Variants in MTUS2 observed in about 807,000 individuals in gnomAD.
MTUS2 encodes microtubule associated scaffold protein 2.
Under a neutral mutation model 114.1 loss-of-function variants are expected in MTUS2, and 40 were observed. The ratio of observed to expected loss-of-function variants is 0.35; its 90% CI spans 0.27 to 0.46. MTUS2 has a LOEUF of 0.46. Among genes scored for constraint, MTUS2 ranks in the 20% least tolerant of loss-of-function variants. The pLI is 1.00. For synonymous variants in MTUS2, 688 were observed against 672.0 expected, an observed-to-expected ratio of 1.02 and a Z score of -0.37; for missense variants, 1,679 against 1,705.4, an observed-to-expected ratio of 0.98 and a Z score of 0.27.
At chr13:29,091,434 T>C (rs1889943608) in intron 4 of MTUS2, among the ~76,000 whole-genome samples, 1 of 152,204 alleles carries the variant, frequency 6.6e-6, no homozygotes, top group Admixed American at 6.5e-5. Flanking sequence ...TTTAAGGTCC[T>C]GTGGAGTTGT....
At chr13:29,350,854 G>C (rs1297942543) in intron 7 of MTUS2, among the ~76,000 whole-genome samples, 2 of 151,318 alleles carry the variant, frequency 1.3e-5, no homozygotes, top group Non-Finnish European at 2.9e-5. Context: ...CTTCTTATAA[G>C]AGCACTAATC....
At chr13:29,421,304 C>T (rs1005592213) in intron 8 of MTUS2, among the ~76,000 whole-genome samples, 5 of 152,176 alleles carry the variant, frequency 3.3e-5, no homozygotes, top group Admixed American at 2.6e-4. Context: ...AGATCCTGCT[C>T]ATATTTTAGA....
At chr13:29,015,143 T>C (rs913854066) in intron 2 of MTUS2, among the ~76,000 whole-genome samples, 17 of 152,186 alleles carry the variant, frequency 1.1e-4, no homozygotes, top group African/African-American at 3.9e-4. Context: ...TGTTTGGAGA[T>C]GATAGAACTA....
intron 4 of MTUS2, among the ~76,000 whole-genome samples, chr13:29,050,487 A>G (rs1489689549): frequency 1.3e-5 from 2 of 152,046 alleles, no homozygotes; most frequent in Non-Finnish European, 2.9e-5. Context: ...CCTATCCTGT[A>G]TATTTTCTGG....
intron 2 of MTUS2, among the ~76,000 whole-genome samples, chr13:28,841,387 G>A (rs1009782751): frequency 5.9e-5 from 9 of 152,186 alleles, no homozygotes; most frequent in African/African-American, 2.2e-4. Context: ...AGTCATGGTA[G>A]TTGGAGGCAT....
At chr13:28,917,162 G>C (rs1880790544) in intron 2 of MTUS2, among the ~76,000 whole-genome samples, 1 of 151,876 alleles carries the variant, frequency 6.6e-6, no homozygotes, top group South Asian at 2.1e-4. Context: ...AATTTGGTTT[G>C]CTAGTATTTT....
At position 29,409,560 on chromosome 13, in the gene MTUS2, A is replaced by T. The variant is rs554425499; in HGVS notation, c.3118-30423A>T. ...TAATGATTAGTTTGATGAGTATGTG[A>T]CACATTGGTTCTCCTATTGTTTCTG... On this transcript the variant is annotated intron_variant, in intron 8 of 15. Transcript: ENST00000612955. 2.0e-5 allele frequency among the ~76,000 whole-genome samples: 3 copies of T among 152,248 alleles called. No individual in the cohort carries two copies. The South Asian group carries it at 6.2e-4, about 32-fold the overall frequency.
intron 2 of MTUS2, among the ~76,000 whole-genome samples, chr13:29,017,422 A>G (rs1886111890): frequency 6.6e-6 from 1 of 152,216 alleles, no homozygotes; most frequent in Admixed American, 6.5e-5. Flanking sequence ...CACAACTGAT[A>G]AAGCATTACA....
chr13:29,349,162 T>C (rs1331481306), intron 7 of MTUS2, among the ~76,000 whole-genome samples: 1 of 152,148 alleles, frequency 6.6e-6, no homozygotes, highest in African/African-American at 2.4e-5. Flanking sequence ...ATTTATCTCC[T>C]TTGTTCATGT....
intron 6 of MTUS2, among the ~76,000 whole-genome samples, chr13:29,320,959 C>T (rs565755620): frequency 4.9e-4 from 75 of 152,204 alleles, no homozygotes; most frequent in African/African-American, 1.7e-3. Flanking sequence ...ACTGGGAGGA[C>T]AATTGACTAG....
intron 8 of MTUS2, among the ~76,000 whole-genome samples, chr13:29,423,568 TGG>T (rs369514901): frequency 7.7e-4 from 117 of 152,320 alleles, no homozygotes; most frequent in Admixed American, 6.0e-3. Flanking sequence ...ATTAGTGCAA[TGG>T]ACTAAAACAT....
At chr13:28,827,451 C>G (rs193166544) in intron 1 of MTUS2, among the ~76,000 whole-genome samples, 2 of 152,066 alleles carry the variant, frequency 1.3e-5, no homozygotes, top group Non-Finnish European at 1.5e-5. Context: ...TGAAATTTTT[C>G]TGCTAAATTT....
intron 2 of MTUS2, among the ~76,000 whole-genome samples, chr13:28,920,863 C>T (rs991127948): frequency 2.0e-5 from 3 of 152,162 alleles, no homozygotes; most frequent in Admixed American, 6.5e-5. Context: ...TCTCTCAGGC[C>T]ACCACCGGTG....
At chr13:29,161,811 T>C (rs1361026320) in intron 5 of MTUS2, among the ~76,000 whole-genome samples, 1 of 152,358 alleles carries the variant, frequency 6.6e-6, no homozygotes, top group East Asian at 1.9e-4. Context: ...TCCCTCTTGC[T>C]GTGTTTTCTG....
intron 8 of MTUS2, among the ~76,000 whole-genome samples, chr13:29,389,331 A>G (rs1332919029): frequency 2.9e-5 from 2 of 69,244 alleles, no homozygotes; most frequent in African/African-American, 4.0e-5. Context: ...ATATGTGTGT[A>G]TATATGTATG....
At chr13:29,182,515 G>T (rs1894049592) in intron 5 of MTUS2, among the ~76,000 whole-genome samples, 2 of 152,144 alleles carry the variant, frequency 1.3e-5, no homozygotes. Context: ...TTTATACCTT[G>T]TACAATACAT....
chr13:29,232,545 A>G (rs751333642), intron 5 of MTUS2, among the ~76,000 whole-genome samples: 15 of 152,266 alleles, frequency 9.9e-5, no homozygotes, highest in Admixed American at 7.2e-4. Flanking sequence ...TCTGTTTTAC[A>G]GAAAATATTT....
chr13:29,271,608 G>C (rs770997504), intron 5 of MTUS2, among the ~76,000 whole-genome samples: 15 of 152,160 alleles, frequency 9.9e-5, no homozygotes, highest in African/African-American at 1.2e-4. Flanking sequence ...ATTGGAGTTT[G>C]TGTTTCTGTC....
intron 5 of MTUS2, among the ~76,000 whole-genome samples, chr13:29,242,135 A>G (rs1424978076): frequency 6.6e-6 from 1 of 152,210 alleles, no homozygotes; most frequent in Admixed American, 6.5e-5. Context: ...TCAGAAGTAC[A>G]CTTCAGTGAC....
Sources: allele counts gnomAD v4.1 joint callset (sites outside exome capture counted in the v4.1 genomes callset), GRCh38; gene constraint gnomAD v4.1.1; transcripts MANE v1.5; gene names NCBI Gene and HGNC (gene_info 2026-07-23, HGNC 2026-07-21).